Variants in RBFOX1 observed in about 807,000 individuals in gnomAD.
RBFOX1 encodes RNA binding fox-1 homolog 1, also known as RNA binding protein fox-1 homolog 1.
In RBFOX1, 8 loss-of-function variants were observed where a neutral mutation model predicts 57.7. The observed-to-expected ratio is 0.14, with a 90% CI of 0.08 to 0.25. The LOEUF (loss-of-function observed/expected upper bound fraction) is 0.25. RBFOX1 is among the 10% of genes least tolerant of loss of function. The pLI is 1.00. For missense variants in RBFOX1, 611 were observed against 548.5 expected, an observed-to-expected ratio of 1.11 and a Z score of -1.14; for synonymous variants, 326 against 222.4, an observed-to-expected ratio of 1.47 and a Z score of -4.15.
chr16:5,979,582 G>C (rs925590585), intron 4 of RBFOX1, among the ~76,000 whole-genome samples: 3 of 152,174 alleles, frequency 2.0e-5, no homozygotes, highest in African/African-American at 7.2e-5. Flanking sequence ...AAATGCAGCT[G>C]GCTGGGCATG....
chr16:6,444,195 G>A lies in RBFOX1; in HGVS notation c.-64+127138G>A, dbSNP rs1024372292. On this transcript the variant is annotated intron_variant, in intron 2 of 15. Transcript: ENST00000550418. ...TTACTTGGTTTTGTCAGTGTGCACT[G>A]GGCAGGTTGTAAATACCACAAGAGC... Among the ~76,000 whole-genome samples, 4 of 152,170 alleles carry A rather than the reference G, an allele frequency of 2.6e-5. No individual in the cohort carries two copies. In the East Asian group the frequency reaches 7.7e-4, roughly 29 times the overall value.
intron 14 of RBFOX1, among the ~76,000 whole-genome samples, chr16:7,691,843 G>T (rs780242229): frequency 2.0e-5 from 3 of 152,142 alleles, no homozygotes; most frequent in Non-Finnish European, 2.9e-5. Context: ...AATGCCTAGT[G>T]CAAAGACCTT....
intron 4 of RBFOX1, among the ~76,000 whole-genome samples, chr16:7,141,996 T>C (rs138753440): frequency 4.2e-5 from 3 of 71,998 alleles, no homozygotes; most frequent in Admixed American, 4.3e-4. Context: ...CTTCTCCTTC[T>C]TCTTCCTCCT....
At chr16:5,856,207 A>ATATGTATATATATGTG (rs1567630990) in intron 3 of RBFOX1, among the ~76,000 whole-genome samples, 2 of 31,418 alleles carry the variant, frequency 6.4e-5, no homozygotes, top group African/African-American at 2.4e-4. Context: ...ATATATATAT[A>ATATGTATATATATGTG]CATATATATG....
intron 3 of RBFOX1, among the ~76,000 whole-genome samples, chr16:6,892,693 G>C (rs1169938867): frequency 1.3e-5 from 2 of 151,992 alleles, no homozygotes; most frequent in Non-Finnish European, 2.9e-5. Context: ...AAAAGCCTGA[G>C]AGTGAAGTAC....
intron 2 of RBFOX1, among the ~76,000 whole-genome samples, chr16:6,479,441 A>T (rs2095334743): frequency 6.6e-6 from 1 of 151,766 alleles, no homozygotes; most frequent in South Asian, 2.1e-4. Context: ...TACAAAATTT[A>T]GCCCGGCATG....
intron 11 of RBFOX1, among the ~76,000 whole-genome samples, chr16:7,641,024 G>GC (rs1439282060): frequency 3.9e-5 from 6 of 152,144 alleles, no homozygotes; most frequent in Admixed American, 3.3e-4. Flanking sequence ...ATGCAATGGA[G>GC]CAGGTGCACA....
intron 2 of RBFOX1, among the ~76,000 whole-genome samples, chr16:6,651,375 ACTAC>A (rs1568049107): frequency 2.1e-5 from 2 of 94,326 alleles, no homozygotes; most frequent in Non-Finnish European, 4.8e-5. Context: ...CTGGCCTCTG[ACTAC>A]TTCTCTCCCC....
intron 3 of RBFOX1, among the ~76,000 whole-genome samples, chr16:5,750,594 C>T (rs1023830853): frequency 5.3e-5 from 8 of 152,194 alleles, no homozygotes; most frequent in South Asian, 2.1e-4. Flanking sequence ...GCCTCGCTGC[C>T]GTCTTGCAGT....
At chr16:6,993,068 A>G (rs1046961206) in intron 3 of RBFOX1, among the ~76,000 whole-genome samples, 33 of 152,168 alleles carry the variant, frequency 2.2e-4, no homozygotes, top group Admixed American at 1.6e-3. Flanking sequence ...CCTCACAGTC[A>G]TTCCCTAATT....
chr16:5,286,448 T>C (rs1596397095), intron 1 of RBFOX1, among the ~76,000 whole-genome samples: 1 of 151,972 alleles, frequency 6.6e-6, no homozygotes, highest in Non-Finnish European at 1.5e-5. Flanking sequence ...GGCAGGGGAG[T>C]CAGTCTCCAG....
rs114343023 is a variant in RBFOX1 at position 5,938,575 on chromosome 16, C to T, written c.351+71240C>T. 4.9e-3 allele frequency among the ~76,000 whole-genome samples: 743 copies of T among 152,274 alleles called. 8 individuals are homozygous for T. Among genetic ancestry groups the T allele is most frequent in the African/African-American group, 0.017 (717 of 41,548 alleles). On this transcript the variant is annotated intron_variant, in intron 4 of 19. Coordinates refer to the RBFOX1 transcript ENST00000641259. ...TTTCACTAAGGTGTGGGGTCTGCTTCCCACATCCTTGAATTTTTTAGCTCA... is the reference window on the plus strand; with the variant it reads ...TTTCACTAAGGTGTGGGGTCTGCTTTCCACATCCTTGAATTTTTTAGCTCA...
chr16:6,657,470 T>C (rs554737099), intron 3 of RBFOX1, among the ~76,000 whole-genome samples: 1 of 152,060 alleles, frequency 6.6e-6, no homozygotes, highest in South Asian at 2.1e-4. Context: ...CTTGGTGATA[T>C]GGTGTGAGGC....
intron 2 of RBFOX1, among the ~76,000 whole-genome samples, chr16:6,636,263 C>T (rs769586386): frequency 1.3e-5 from 2 of 152,066 alleles, no homozygotes; most frequent in East Asian, 1.9e-4. Context: ...CTCTGCCTCC[C>T]GGGTTCATGC....
At chr16:7,608,620 G>T (rs754925557) in intron 10 of RBFOX1, among the ~76,000 whole-genome samples, 3 of 152,156 alleles carry the variant, frequency 2.0e-5, no homozygotes, top group African/African-American at 4.8e-5. Context: ...TGCCTACACA[G>T]CTCGGGTTCA....
chr16:7,258,737 A>G (rs1034394527), intron 4 of RBFOX1, among the ~76,000 whole-genome samples: 1 of 152,164 alleles, frequency 6.6e-6, no homozygotes, highest in African/African-American at 2.4e-5. Context: ...TTGTCTCCCC[A>G]TTACTAACCT....
At chr16:5,391,950 C>T (rs943431299) in intron 1 of RBFOX1, among the ~76,000 whole-genome samples, 2 of 151,526 alleles carry the variant, frequency 1.3e-5, no homozygotes, top group Non-Finnish European at 2.9e-5. Flanking sequence ...TACTACTCAG[C>T]CATAAAAAGG....
At chr16:5,932,812 G>C (rs1181579798) in intron 4 of RBFOX1, among the ~76,000 whole-genome samples, 1 of 151,962 alleles carries the variant, frequency 6.6e-6, no homozygotes, top group Non-Finnish European at 1.5e-5. Flanking sequence ...TCGGGTGCTT[G>C]GTTCTCCCTG....
At chr16:5,440,167 T>C (rs1035532480) in intron 1 of RBFOX1, among the ~76,000 whole-genome samples, 2 of 152,198 alleles carry the variant, frequency 1.3e-5, no homozygotes, top group East Asian at 1.9e-4. Flanking sequence ...CTAAGAAGCA[T>C]TGTGCAAATG....
Sources: gnomAD v4.1 joint callset for allele counts (sites outside exome capture counted in the v4.1 genomes callset) on GRCh38, gnomAD v4.1.1 for gene constraint, MANE v1.5 for transcripts, NCBI Gene and HGNC (gene_info 2026-07-23, HGNC 2026-07-21) for gene names.